JAG2: variants seen among roughly 807,000 people sequenced by gnomAD.
The protein encoded by JAG2 is jagged canonical Notch ligand 2.
A neutral mutation model predicts 141.7 loss-of-function variants in JAG2; 46 were observed. That is an observed-to-expected ratio of 0.32 (90% CI 0.26 to 0.42). The LOEUF is 0.42. Ranked by LOEUF, JAG2 falls within the 10% of genes least tolerant of loss-of-function variation. The probability of loss-of-function intolerance (pLI) is 1.00; values close to 1 mark genes in which losing one functional copy is unlikely to be tolerated. For missense variants in JAG2, 1,500 were observed against 1,817.5 expected, an observed-to-expected ratio of 0.83 and a Z score of 3.18; for synonymous variants, 862 against 763.5, an observed-to-expected ratio of 1.13 and a Z score of -2.13.
chr14:105,166,779 G>C (rs1008017490), intron 2 of JAG2, among the ~76,000 whole-genome samples: 11 of 152,334 alleles, frequency 7.2e-5, no homozygotes, highest in Non-Finnish European at 1.5e-4. Flanking sequence ...GCCTCCTGCT[G>C]ACTGGAGCCA....
Position 105,167,922 on chromosome 14 carries a change from G to A in JAG2, c.252C>T (p.Pro84=). The change falls in exon 2 of 26, where the codon CCC becomes CCT. Residue 84 remains proline, a synonymous_variant. Coordinates refer to ENST00000331782, the MANE Select transcript of JAG2 (RefSeq NM_002226.5). The surrounding 1 kb of genome is among the most constrained non-coding windows in gnomAD (Gnocchi z 4.8). ...CLKEYQAKVT[P]TGPCSYGHGA... Reference sequence around the variant, plus strand: ...CGTGGCCGTAGCTGCAGGGCCCCGTGGGCGTCACCTTGGCCTGGTACTCCT... The same window carrying A: ...CGTGGCCGTAGCTGCAGGGCCCCGTAGGCGTCACCTTGGCCTGGTACTCCT... 2 of 1,598,214 alleles carry A rather than the reference G, an allele frequency of 1.3e-6. No homozygotes were observed. Among genetic ancestry groups the A allele is most frequent in the Non-Finnish European group, 1.7e-6 (2 of 1,175,662 alleles).
Position 105,167,886 on chromosome 14 carries a change from G to A in JAG2, c.288C>T (p.Pro96=). The change falls in exon 2 of 26, where the codon CCC becomes CCT. Residue 96 remains proline (P), a synonymous_variant. Transcript: ENST00000331782. This position sits in a 1 kb window ranked among gnomAD's most constrained non-coding sequence, Gnocchi z 4.8. ...GPCSYGHGAT[P]VLGGNSFYLP... ...GGTAGAAGGAGTTGCCGCCCAGCACGGGCGTGGCGCCGTGGCCGTAGCTGC... is the reference window on the plus strand; with the variant it reads ...GGTAGAAGGAGTTGCCGCCCAGCACAGGCGTGGCGCCGTGGCCGTAGCTGC... 6.3e-7 allele frequency: 1 copy of A among 1,577,638 alleles called. No individual in the cohort carries two copies. Among genetic ancestry groups the A allele is most frequent in the Non-Finnish European group, 8.6e-7 (1 of 1,168,034 alleles).
rs113757037 is a variant in JAG2, at chr14:105,145,447, G to C, written c.2952+284C>G. ...AACTGCCCACGGAGCTACAGCCCAA[G>C]AGCTGGGGCCAGGCAGCCATGGCGC... On this transcript the variant is annotated intron_variant, in intron 23 of 25. Transcript: ENST00000331782. 8.2e-3 allele frequency among the ~76,000 whole-genome samples: 1,256 copies of C among 152,328 alleles called. 10 individuals carry two copies. Among genetic ancestry groups the C allele is most frequent in the African/African-American group, 0.029 (1,186 of 41,568 alleles).
chr14:105,164,239 G>A (rs1387926865), intron 2 of JAG2, among the ~76,000 whole-genome samples: 3 of 152,170 alleles, frequency 2.0e-5, no homozygotes, highest in African/African-American at 4.8e-5. Context: ...AATGGTCCCC[G>A]TGTTGCCTGG....
chr14:105,149,114 G>A lies in JAG2; in HGVS notation c.1754-25C>T, dbSNP rs368900540. 58 of 1,599,334 alleles carry A rather than the reference G, an allele frequency of 3.6e-5. No homozygotes were observed. In the South Asian group the frequency reaches 3.7e-4, roughly 10 times the overall value. On this transcript the variant is annotated intron_variant, in intron 13 of 25. Coordinates refer to ENST00000331782, the MANE Select transcript of JAG2 (RefSeq NM_002226.5). ...ACTATGGCAGGCAGTACAGTCAGGA[G>A]TCAGGCCCGCCCCTGCCCCACCACC...
At chr14:105,147,999 A>AG in intron 17 of JAG2, 111 bp from the exon 18 acceptor site, 1 of 1,142,688 alleles carries the variant, frequency 8.8e-7, no homozygotes, top group Non-Finnish European at 1.3e-6. Context: ...GGCAGGGGGC[A>AG]GGGGGCAGGT....
At position 105,150,875 on chromosome 14, in the gene JAG2, C is replaced by G. The variant is rs1323315012; in HGVS notation, c.1418G>C (p.Gly473Ala). ...NDCRGQCQHG[G>A]TCKDLVNGYQ... ...CTGGCCCCGCCTCACCTTGCAGGTG[C>G]CCCCATGCTGACACTGCCCGCGACA... The change falls in exon 11 of 26, where the codon GGC becomes GCC. Residue 473 changes from glycine (G) to alanine (A), a missense_variant. Physicochemically the swap from Gly to Ala is moderately conservative, Grantham distance 60. Coordinates refer to ENST00000331782, the MANE Select transcript of JAG2 (RefSeq NM_002226.5). 2 of 1,587,876 alleles carry G rather than the reference C, an allele frequency of 1.3e-6. No individual in the cohort carries two copies. The highest frequency in any genetic ancestry group is 1.7e-6 in the Non-Finnish European group (2 of 1,167,864).
intron 12 of JAG2, 30 bp from the exon 13 acceptor site, chr14:105,149,350 T>A (rs1277160810): frequency 6.2e-7 from 1 of 1,612,060 alleles, no homozygotes; most frequent in African/African-American, 1.3e-5. Flanking sequence ...TGTGAGAGCC[T>A]AGGCCCAGGC....
Position 105,145,857 on chromosome 14 carries a change from G to A in JAG2, c.2826C>T (p.Pro942=). ...CGCCGCACTCCCCCCAGGCCTCACA[G>A]GGTGGTCGCAGACACTGGCCTGGGG... The part of the protein sequence containing the change: ...EKAPGQCLRP[P]CEAWGECGAE... Residue 942 remains proline, a synonymous_variant, in exon 23 of 26, where the codon CCC becomes CCT. Coordinates refer to ENST00000331782, the MANE Select transcript of JAG2 (RefSeq NM_002226.5). 1.3e-6 allele frequency: 2 copies of A among 1,561,054 alleles called. No individual in the cohort carries two copies. The highest frequency in any genetic ancestry group is 1.7e-6 in the Non-Finnish European group (2 of 1,153,286).
At chr14:105,151,456 A>T (rs1029343051) in intron 8 of JAG2, 60 bp from the exon 9 acceptor site, 60 of 1,508,664 alleles carry the variant, frequency 4.0e-5, no homozygotes, top group Non-Finnish European at 5.5e-5. Flanking sequence ...TAAGGTCCCC[A>T]TGGGCAGGTG....
chr14:105,163,013 G>GC (rs930996007), intron 2 of JAG2, among the ~76,000 whole-genome samples: 11 of 151,508 alleles, frequency 7.3e-5, no homozygotes, highest in African/African-American at 9.7e-5. Context: ...CCCGCTAACG[G>GC]CCCCCCCAGG....
intron 2 of JAG2, among the ~76,000 whole-genome samples, chr14:105,162,596 C>G (rs1362247539): frequency 6.6e-6 from 1 of 151,076 alleles, no homozygotes; most frequent in African/African-American, 2.5e-5. Context: ...CACCCCAAAG[C>G]CCAGGGTACC....
At chr14:105,163,751 G>A (rs1295863546) in intron 2 of JAG2, among the ~76,000 whole-genome samples, 3 of 151,076 alleles carry the variant, frequency 2.0e-5, no homozygotes, top group Non-Finnish European at 4.4e-5. Context: ...CTCAGTCCTG[G>A]GACCTGGGGA....
chr14:105,166,106 G>A (rs587700774), intron 2 of JAG2, among the ~76,000 whole-genome samples: 4 of 152,190 alleles, frequency 2.6e-5, no homozygotes, highest in Admixed American at 6.5e-5. Context: ...TGGGGCATTC[G>A]AGGAACCGGC....
chr14:105,162,779 G>GA (rs1888793900), intron 2 of JAG2, among the ~76,000 whole-genome samples: 1 of 80,448 alleles, frequency 1.2e-5, no homozygotes, highest in Non-Finnish European at 3.1e-5. Flanking sequence ...TGTACCCACA[G>GA]TCCAGGGCAC....
Position 105,156,006 on chromosome 14 carries a change from A to T in JAG2, c.476-17T>A, listed in dbSNP as rs747427043. The T allele has an allele frequency of 6.3e-7, 1 of 1,599,686 alleles. No individual in the cohort carries two copies. On this transcript the variant is annotated splice_polypyrimidine_tract_variant and intron_variant, in intron 3 of 25. Coordinates refer to ENST00000331782, the MANE Select transcript of JAG2 (RefSeq NM_002226.5). ...GCAGCTCCTCTTGGGGAGGCGGCAGAGTCAGCACAGGCCAGAGAAACCAGC... is the reference window on the plus strand; with the variant it reads ...GCAGCTCCTCTTGGGGAGGCGGCAGTGTCAGCACAGGCCAGAGAAACCAGC...
At chr14:105,158,887 C>T (rs1196833495) in intron 2 of JAG2, among the ~76,000 whole-genome samples, 2 of 152,068 alleles carry the variant, frequency 1.3e-5, no homozygotes, top group Non-Finnish European at 2.9e-5. Flanking sequence ...CCAACCAGCC[C>T]CAAGGCCTGG....
At chr14:105,159,683 G>A (rs1888676826) in intron 2 of JAG2, among the ~76,000 whole-genome samples, 2 of 87,172 alleles carry the variant, frequency 2.3e-5, no homozygotes, top group Admixed American at 1.6e-4. Context: ...ACCTCCCCAG[G>A]GCTCCATCCA....
chr14:105,142,820 A>G lies in JAG2; in HGVS notation c.3592T>C (p.Ser1198Pro). The change falls in exon 26 of 26, where the codon TCA becomes CCA. Residue 1198 changes from serine (S) to proline (P), a missense_variant. Physicochemically the swap from Ser to Pro is moderately conservative, Grantham distance 74 (BLOSUM62 -1). Around this residue, in one of 3 missense-constraint regions of JAG2, gnomAD observed 425 missense variants for 441.0 expected, o/e 0.96. Transcript: ENST00000331782. ...EDSLEAEKFL[S>P]HKFTKDPGRS... ...CCAGGATCTTTGGTGAATTTGTGTG[A>G]GAGGAACTTCTCCGCCTCCAGGGAG... 1.2e-6 allele frequency: 2 copies of G among 1,610,962 alleles called. No individual in the cohort carries two copies. Among genetic ancestry groups the G allele is most frequent in the Non-Finnish European group, 1.7e-6 (2 of 1,179,022 alleles).
Sources: allele counts gnomAD v4.1 joint callset (sites outside exome capture counted in the v4.1 genomes callset), GRCh38; gene constraint gnomAD v4.1.1; regional missense constraint gnomAD v4.1.1; non-coding constraint Gnocchi (gnomAD v3.1); transcripts MANE v1.5; gene names NCBI Gene and HGNC (gene_info 2026-07-23, HGNC 2026-07-21).